Variants in PLXND1 observed in about 807,000 individuals in gnomAD.
The protein encoded by PLXND1 is plexin D1, also known as plexin-D1.
Under a neutral mutation model 197.7 loss-of-function variants are expected in PLXND1, and 54 were observed. The ratio of observed to expected loss-of-function variants is 0.27; its 90% CI spans 0.22 to 0.34. PLXND1 has a LOEUF of 0.34. Among genes scored for constraint, PLXND1 ranks in the 10% least tolerant of loss-of-function variants. The pLI, the probability that PLXND1 is intolerant of heterozygous loss-of-function variation, is 1.00. For missense variants in PLXND1, 2,127 were observed against 2,699.2 expected (o/e 0.79, Z 4.70); for synonymous variants, 1,180 against 1,161.2 (o/e 1.02, Z -0.33).
chr3:129,556,602 C>A lies in PLXND1; in HGVS notation c.5661+15G>T. ...ACCTACCCCGAGGGCAGGTGCCTCACCCTGGGGCACTCACCTGCGGCCGAT... is the reference window on the plus strand; with the variant it reads ...ACCTACCCCGAGGGCAGGTGCCTCAACCTGGGGCACTCACCTGCGGCCGAT... On this transcript the variant is annotated intron_variant, in intron 35 of 35. Coordinates refer to ENST00000324093, the MANE Select transcript of PLXND1 (RefSeq NM_015103.3). The A allele has an allele frequency of 6.3e-7, 1 of 1,598,890 alleles. No homozygotes were observed. Among genetic ancestry groups the A allele is most frequent in the Non-Finnish European group, 8.6e-7 (1 of 1,167,024 alleles).
In PLXND1 at chr3:129,562,828, A is replaced by C; in HGVS notation, c.4784T>G (p.Val1595Gly). The part of the protein sequence containing the change: ...EKILEAFCKN[V>G]PYSQWPRAED... ...TGCACGCGGCCACTGGGAGTAGGGCACATTCTTGCAGAAGGCCTCCAGGAT... is the reference window on the plus strand; with the variant it reads ...TGCACGCGGCCACTGGGAGTAGGGCCCATTCTTGCAGAAGGCCTCCAGGAT... Residue 1595 changes from valine to glycine, a missense_variant, in exon 27 of 36, where the codon GTG (valine) becomes GGG (glycine). Physicochemically the swap from Val to Gly is moderately radical, Grantham distance 109. This residue lies in a region of PLXND1 where 532 missense variants were observed against 811.0 expected (regional missense o/e 0.66). Coordinates refer to ENST00000324093, the MANE Select transcript of PLXND1 (RefSeq NM_015103.3). The C allele has an allele frequency of 6.2e-7, 1 of 1,611,304 alleles. No individual in the cohort carries two copies. Among genetic ancestry groups the C allele is most frequent in the Non-Finnish European group, 8.5e-7 (1 of 1,177,680 alleles).
At chr3:129,587,217 T>TC (rs1015987407) in intron 2 of PLXND1, among the ~76,000 whole-genome samples, 5 of 151,910 alleles carry the variant, frequency 3.3e-5, no homozygotes, top group African/African-American at 7.2e-5. Flanking sequence ...GTCTCATTCC[T>TC]CCCCCCGACG....
At chr3:129,581,371 C>T (rs2085385764) in intron 8 of PLXND1, among the ~76,000 whole-genome samples, 1 of 152,312 alleles carries the variant, frequency 6.6e-6, no homozygotes, top group East Asian at 1.9e-4. Flanking sequence ...ACCTGGGGGA[C>T]AGCCATCTGA....
At chr3:129,598,262 C>T (rs1341267138) in intron 1 of PLXND1, among the ~76,000 whole-genome samples, 1 of 152,162 alleles carries the variant, frequency 6.6e-6, no homozygotes, top group Non-Finnish European at 1.5e-5. Context: ...GCTCCAACCT[C>T]CCCTCCTCCA....
chr3:129,601,042 A>G (rs1486106148), intron 1 of PLXND1, among the ~76,000 whole-genome samples: 1 of 152,142 alleles, frequency 6.6e-6, no homozygotes, highest in East Asian at 1.9e-4. Flanking sequence ...AGGTAGACTC[A>G]GTCTGCCCCA....
chr3:129,588,600 G>T (rs1470282222), intron 2 of PLXND1, among the ~76,000 whole-genome samples: 3 of 152,272 alleles, frequency 2.0e-5, no homozygotes, highest in African/African-American at 4.8e-5. Context: ...TGCCCAGGCA[G>T]TGGGTTGGGG....
chr3:129,606,170 G>T lies in PLXND1; in HGVS notation c.470C>A (p.Ser157Ter). The T allele has an allele frequency of 6.5e-7, 1 of 1,540,964 alleles. No individual in the cohort carries two copies. The highest frequency in any genetic ancestry group is 1.2e-5 in the South Asian group (1 of 84,192). Reference sequence around the variant, plus strand: ...GGGCGGGAAGCGCACGGCCACGGCCGAGATGTTGCCCCGGCGCCGCAGCTG... The same window carrying T: ...GGGCGGGAAGCGCACGGCCACGGCCTAGATGTTGCCCCGGCGCCGCAGCTG... ...FCQLRRRGNI[S>*]AVAVRFPPAA... Residue 157 changes from serine to a stop codon, truncating the protein, a stop_gained, in exon 1 of 36, where the codon TCG (serine) becomes TAG (stop). Transcript: ENST00000324093. LOFTEE classifies it high-confidence loss of function.
At position 129,606,102 on chromosome 3, in the gene PLXND1, G is replaced by T; in HGVS notation, c.538C>A (p.Leu180Met). Residue 180 changes from leucine (L) to methionine (M), a missense_variant, in exon 1 of 36, where the codon CTG becomes ATG. Around this residue, in one of 6 missense-constraint regions of PLXND1, gnomAD observed 245 missense variants for 267.1 expected, o/e 0.92. Coordinates refer to ENST00000324093, the MANE Select transcript of PLXND1 (RefSeq NM_015103.3). The stretch of plus-strand genomic sequence containing the variant: ...TTCGGGTGGTTGGCCGCCACGTTCA[G>T]CATGCTGGGGAACACCGTGACGGGC... ...AEPVTVFPSM[L>M]NVAANHPNAS... is the part of the protein sequence containing the mutation. 6.5e-7 allele frequency: 1 copy of T among 1,545,350 alleles called. No individual in the cohort carries two copies. The highest frequency in any genetic ancestry group is 8.7e-7 in the Non-Finnish European group (1 of 1,151,840).
intron 9 of PLXND1, among the ~76,000 whole-genome samples, chr3:129,578,052 G>A (rs912795497): frequency 1.1e-4 from 16 of 152,214 alleles, no homozygotes; most frequent in African/African-American, 3.6e-4. Flanking sequence ...GGAGAGCCTG[G>A]GGGCACTGGC....
In PLXND1 at chr3:129,571,843, G is replaced by C. The variant is rs202240015; in HGVS notation, c.3079C>G (p.Arg1027Gly). The C allele has an allele frequency of 1.9e-6, 3 of 1,608,770 alleles. No homozygotes were observed. Among genetic ancestry groups the C allele is most frequent in the Non-Finnish European group, 1.7e-6 (2 of 1,177,892 alleles). Residue 1027 changes from arginine (R) to glycine (G), a missense_variant and splice_region_variant, in exon 16 of 36, where the codon CGC becomes GGC. Physicochemically the swap from Arg to Gly is moderately radical, Grantham distance 125. Coordinates refer to ENST00000324093, the MANE Select transcript of PLXND1 (RefSeq NM_015103.3). ...GTGCAGGCGATGCTGGTATCTGTGC[G>C]CCTGGGGGGAGCAGCAGGTTATCAG... Reference protein sequence around the residue: ...NDTDPCTELMRTDTSIACTMP... With the variant: ...NDTDPCTELMGTDTSIACTMP...
chr3:129,559,446 G>A, intron 32 of PLXND1, 174 bp downstream of exon 32: 1 of 580,522 alleles, frequency 1.7e-6, no homozygotes. Context: ...TTTTACAGTG[G>A]AGGGGAAACT....
chr3:129,559,794 G>C lies in PLXND1; in HGVS notation c.5134-11C>G. The C allele has an allele frequency of 6.3e-7, 1 of 1,581,616 alleles. No homozygotes were observed. Among genetic ancestry groups the C allele is most frequent in the Non-Finnish European group, 8.6e-7 (1 of 1,162,204 alleles). ...CTTCTGCAACGTGCCCTGCGGGGGA[G>C]TGGGGTGGCCGCCGTCAGCCCCGGG... On this transcript the variant is annotated splice_polypyrimidine_tract_variant and intron_variant, in intron 31 of 35. Coordinates refer to ENST00000324093, the MANE Select transcript of PLXND1 (RefSeq NM_015103.3).
rs767575252 is a variant in PLXND1, at chr3:129,584,484, G to A, written c.1930C>T (p.Arg644Cys). 1.6e-5 allele frequency: 26 copies of A among 1,613,916 alleles called. No individual in the cohort carries two copies. Among genetic ancestry groups the A allele is most frequent in the South Asian group, 1.2e-4 (11 of 91,080 alleles). The change falls in exon 6 of 36, where the codon CGC (arginine) becomes TGC (cysteine). Residue 644 changes from arginine (R) to cysteine (C), a missense_variant. Arg to Cys is a radical substitution (Grantham distance 180). Coordinates refer to ENST00000324093, the MANE Select transcript of PLXND1 (RefSeq NM_015103.3). Reference sequence around the variant, plus strand: ...GGGCCTGGGACCCGAGCCACAGTGCGGATGTTGTTCCCATAGTCACAGGCC... The same window carrying A: ...GGGCCTGGGACCCGAGCCACAGTGCAGATGTTGTTCCCATAGTCACAGGCC... ...EMACDYGNNI[R>C]TVARVPGPAF... is the part of the protein sequence containing the mutation.
At chr3:129,599,426 G>A (rs766331316) in intron 1 of PLXND1, among the ~76,000 whole-genome samples, 1 of 152,194 alleles carries the variant, frequency 6.6e-6, no homozygotes, top group Non-Finnish European at 1.5e-5. Context: ...TTGGCCCCAG[G>A]GTCCTGCACT....
chr3:129,571,799 C>T lies in PLXND1; in HGVS notation c.3123G>A (p.Leu1041=), dbSNP rs2085236913. 1.2e-6 allele frequency: 2 copies of T among 1,613,244 alleles called. No homozygotes were observed. Among genetic ancestry groups the T allele is most frequent in the Non-Finnish European group, 1.7e-6 (2 of 1,179,884 alleles). The change falls in exon 16 of 36, where the codon CTG becomes CTA. Residue 1041 remains leucine, a synonymous_variant. Coordinates refer to ENST00000324093, the MANE Select transcript of PLXND1 (RefSeq NM_015103.3). Reference sequence around the variant, plus strand: ...GCACACACACAGGCACCGGAGCCGGCAGGGCCCCCTCAGGCATGGTGCAGG... The same window carrying T: ...GCACACACACAGGCACCGGAGCCGGTAGGGCCCCCTCAGGCATGGTGCAGG... ...SIACTMPEGA[L]PAPVPVCVRF...
At position 129,565,621 on chromosome 3, in the gene PLXND1, G is replaced by A. The variant is rs567907051; in HGVS notation, c.4323-83C>T. 5.4e-5 allele frequency: 67 copies of A among 1,242,248 alleles called. No individual in the cohort carries two copies. The East Asian group carries it at 6.2e-4, about 12-fold the overall frequency. The allele number at this position is 1,242,248 out of a possible 1,614,324, so 77.0% of individuals were successfully genotyped here. On this transcript the variant is annotated intron_variant, in intron 24 of 35. Transcript: ENST00000324093. ...AGGGTCTCAGTGCCGCCTCATCCCCGGGCCCATCGATCCCAGGAGTGCCTG... is the reference window on the plus strand; with the variant it reads ...AGGGTCTCAGTGCCGCCTCATCCCCAGGCCCATCGATCCCAGGAGTGCCTG...
At chr3:129,575,315 G>GCATGT (rs2085296389) in intron 11 of PLXND1, among the ~76,000 whole-genome samples, 154 bp downstream of exon 11, 2 of 152,360 alleles carry the variant, frequency 1.3e-5, no homozygotes, top group African/African-American at 4.8e-5. Flanking sequence ...GCATGGCATG[G>GCATGT]CAGGGCTGGG....
rs1364471412 is a variant in PLXND1, at chr3:129,555,257, T to C, written c.*1055A>G. ...TTTTATTATAAAGAAGATTCCAGAG[T>C]CCCAGCTGCCCCCCTCCAGCCCCCA... is the stretch of plus-strand genomic sequence containing the variant. On this transcript the variant is annotated 3_prime_UTR_variant, in exon 36 of 36. Transcript: ENST00000324093. 2.2e-6 allele frequency: 1 copy of C among 462,872 alleles called. No homozygotes were observed. The highest frequency in any genetic ancestry group is 3.8e-6 in the Non-Finnish European group (1 of 264,778). 28.7% of individuals were successfully genotyped at this position (462,872 alleles called of 1,614,324 possible). A position where few individuals can be genotyped will look rare whatever the true frequency, so the allele number is the denominator to read the frequency against.
Position 129,566,662 on chromosome 3 carries a change from G to C in PLXND1, c.4087-31C>G, listed in dbSNP as rs548936070. On this transcript the variant is annotated intron_variant, in intron 22 of 35. Coordinates refer to ENST00000324093, the MANE Select transcript of PLXND1 (RefSeq NM_015103.3). ...GAGGCAGACCCCCAGCATCTCAGCGGGGCTGGACACCCCCTGCTGGCATGG... is the reference window on the plus strand; with the variant it reads ...GAGGCAGACCCCCAGCATCTCAGCGCGGCTGGACACCCCCTGCTGGCATGG... 5.1e-6 allele frequency: 7 copies of C among 1,363,610 alleles called. No individual in the cohort carries two copies. The African/African-American group carries it at 9.9e-5, about 19-fold the overall frequency. 84.5% of individuals were successfully genotyped at this position (1,363,610 alleles called of 1,614,324 possible). A position where few individuals can be genotyped will look rare whatever the true frequency, so the allele number is the denominator to read the frequency against.
Sources: allele counts gnomAD v4.1 joint callset (sites outside exome capture counted in the v4.1 genomes callset), GRCh38; gene constraint gnomAD v4.1.1; regional missense constraint gnomAD v4.1.1; transcripts MANE v1.5; gene names NCBI Gene and HGNC (gene_info 2026-07-23, HGNC 2026-07-21).